Variants in MUC17 observed in about 807,000 individuals in gnomAD.
The protein encoded by MUC17 is mucin-17.
MUC17 carries 190 observed loss-of-function variants against 170.3 expected under a neutral mutation model. The ratio of observed to expected loss-of-function variants is 1.12; its 90% confidence interval spans 0.99 to 1.26. MUC17 has a LOEUF of 1.26. Among genes scored for constraint, MUC17 ranks in the 50% most tolerant of loss-of-function variants. The probability of loss-of-function intolerance (pLI) is 0.00; values close to 1 mark genes in which losing one functional copy is unlikely to be tolerated. For synonymous variants in MUC17, 2,325 were observed against 2,002.5 expected (o/e 1.16, Z -4.30); for missense variants, 6,415 against 5,530.0 (o/e 1.16, Z -5.08).
chr7:101,035,080 A>G lies in MUC17; in HGVS notation c.3664A>G (p.Thr1222Ala). ...TCCTGGAGAAAGAAGCACTCCATTA[A>G]CAAGTATGCCTGTCAGACACACGCC... ...STPGERSTPL[T>A]SMPVRHTPVA... is the part of the protein sequence containing the mutation. Residue 1222 changes from threonine to alanine, a missense_variant, in exon 3 of 13, where the codon ACA becomes GCA. Transcript: ENST00000306151. 1.2e-6 allele frequency: 2 copies of G among 1,612,596 alleles called. No homozygotes were observed. Among genetic ancestry groups the G allele is most frequent in the Non-Finnish European group, 1.7e-6 (2 of 1,179,204 alleles).
intron 1 of MUC17, among the ~76,000 whole-genome samples, chr7:101,022,596 G>A (rs187676049): frequency 1.3e-3 from 198 of 152,256 alleles, no homozygotes; most frequent in Admixed American, 2.2e-3. Context: ...AGGCCAAGTT[G>A]GAAGGATCAC....
In MUC17 at chr7:101,033,605, C is replaced by A. The variant is rs1394497498; in HGVS notation, c.2189C>A (p.Thr730Lys). Residue 730 changes from threonine to lysine, a missense_variant, in exon 3 of 13, where the codon ACA (threonine) becomes AAA (lysine). Physicochemically the swap from Thr to Lys is moderately conservative, Grantham distance 78 (BLOSUM62 -1). Coordinates refer to ENST00000306151, the MANE Select transcript of MUC17 (RefSeq NM_001040105.2). The stretch of plus-strand genomic sequence containing the variant: ...TCAACTGAAGCCAGTTCCTCTCCTA[C>A]AACTGCTGATGGTGCCAGTATGCCA... ...TTSTEASSSP[T>K]TADGASMPTS... 2.5e-6 allele frequency: 4 copies of A among 1,613,880 alleles called. No homozygotes were observed. Among genetic ancestry groups the A allele is most frequent in the Non-Finnish European group, 3.4e-6 (4 of 1,179,908 alleles).
At chr7:101,020,255 C>G in intron 1 of MUC17, 38 bp downstream of exon 1, 1 of 1,547,258 alleles carries the variant, frequency 6.5e-7, no homozygotes, top group Non-Finnish European at 8.8e-7. Context: ...AAGAGGCCCC[C>G]ATCCCAGGGG....
In MUC17 at chr7:101,026,741, C is replaced by T. The variant is rs115162024; in HGVS notation, c.83-4379C>T. On this transcript the variant is annotated intron_variant, in intron 1 of 12. Transcript: ENST00000306151. ...CTGGGACTAGAGGTAAGCACCACCA[C>T]GCCCGATTAATTGTTTTTTAGTAGA... is the stretch of plus-strand genomic sequence containing the variant. 4.8e-3 allele frequency among the ~76,000 whole-genome samples: 723 copies of T among 152,156 alleles called. 6 individuals carry two copies. Among genetic ancestry groups the T allele is most frequent in the African/African-American group, 0.016 (665 of 41,478 alleles).
chr7:101,021,064 A>G (rs938642441), intron 1 of MUC17, among the ~76,000 whole-genome samples: 19 of 152,166 alleles, frequency 1.2e-4, no homozygotes, highest in African/African-American at 4.6e-4. Context: ...GTTGTAATGA[A>G]AACACTCCTT....
At chr7:101,046,422 T>G (rs1794841942) in intron 3 of MUC17, among the ~76,000 whole-genome samples, 1 of 152,236 alleles carries the variant, frequency 6.6e-6, no homozygotes, top group African/African-American at 2.4e-5. Flanking sequence ...TAGAGTTGGC[T>G]ATCACTACTT....
rs1329194495 is a variant in MUC17 at position 101,033,243 on chromosome 7, A to T, written c.1827A>T (p.Ser609=). 5 of 1,613,764 alleles carry T rather than the reference A, an allele frequency of 3.1e-6. No homozygotes were observed. In the African/African-American group the frequency reaches 6.7e-5, roughly 22 times the overall value. Residue 609 remains serine, a synonymous_variant, in exon 3 of 13, where the codon TCA becomes TCT. Transcript: ENST00000306151. The part of the protein sequence containing the change: ...TFVTTSSEAS[S]SSTTAEGTSM... ...TGACCACTTCTAGTGAAGCTAGTTC[A>T]TCTTCTACAACTGCTGAAGGTACCA...
At chr7:101,029,805 G>A (rs1322139266) in intron 1 of MUC17, among the ~76,000 whole-genome samples, 1 of 151,976 alleles carries the variant, frequency 6.6e-6, no homozygotes, top group East Asian at 1.9e-4. Context: ...CACCATGTTG[G>A]CCAGGCTGGT....
chr7:101,037,759 G>C lies in MUC17; in HGVS notation c.6343G>C (p.Ala2115Pro), dbSNP rs1293317458. Residue 2115 changes from alanine (A) to proline (P), a missense_variant, in exon 3 of 13, where the codon GCC (alanine) becomes CCC (proline). By Grantham distance (27) the Ala-to-Pro change is conservative. Coordinates refer to ENST00000306151, the MANE Select transcript of MUC17 (RefSeq NM_001040105.2). ...TSIPLSTTPV[A>P]SPEASTLSTT... ...TATACCTCTCAGCACCACGCCGGTGGCCAGTCCTGAGGCTAGCACCCTTTC... is the reference window on the plus strand; with the variant it reads ...TATACCTCTCAGCACCACGCCGGTGCCCAGTCCTGAGGCTAGCACCCTTTC... The C allele has an allele frequency of 6.2e-7, 1 of 1,613,674 alleles. No individual in the cohort carries two copies.
rs1046703150 is a variant in MUC17, at chr7:101,042,779, C to G, written c.11363C>G (p.Ala3788Gly). Residue 3788 changes from alanine to glycine, a missense_variant, in exon 3 of 13, where the codon GCC becomes GGC. Physicochemically the swap from Ala to Gly is moderately conservative, Grantham distance 60. Coordinates refer to ENST00000306151, the MANE Select transcript of MUC17 (RefSeq NM_001040105.2). ...TACACCAGCATGTCTATGACCACTG[C>G]CTCTGAAGGCAGTTCATCTCCTACA... ...SVYTSMSMTT[A>G]SEGSSSPTTL... 3 of 1,614,050 alleles carry G rather than the reference C, an allele frequency of 1.9e-6. No homozygotes were observed. In the African/African-American group the frequency reaches 4.0e-5, roughly 22 times the overall value.
intron 3 of MUC17, among the ~76,000 whole-genome samples, chr7:101,046,185 A>G (rs993110629): frequency 7.2e-5 from 11 of 152,166 alleles, no homozygotes; most frequent in Admixed American, 4.6e-4. Context: ...CCATAAATAG[A>G]GGCTGCATGC....
Position 101,033,379 on chromosome 7 carries a change from G to A in MUC17, c.1963G>A (p.Asp655Asn). The change falls in exon 3 of 13, where the codon GAC becomes AAC. Residue 655 changes from aspartate (D) to asparagine (N), a missense_variant. Transcript: ENST00000306151. ...EASTLSTTPV[D>N]SNTPVTTSTE... ...TAGCACCCTTTCAACAACTCCTGTT[G>A]ACTCCAACACTCCTGTGACCACTTC... The A allele has an allele frequency of 1.9e-6, 3 of 1,613,912 alleles. No individual in the cohort carries two copies. Among genetic ancestry groups the A allele is most frequent in the Non-Finnish European group, 2.5e-6 (3 of 1,179,930 alleles).
In MUC17 at chr7:101,039,309, A is replaced by G. The variant is rs541443913; in HGVS notation, c.7893A>G (p.Val2631=). ...TGCCAATCTCAACTCCTAGTGAAGT[A>G]AGTACTTCATTAACAAGTATACTTG... is the stretch of plus-strand genomic sequence containing the variant. ...TSMPISTPSE[V]STSLTSILVS... is the part of the protein sequence containing the mutation. The change falls in exon 3 of 13, where the codon GTA becomes GTG. Residue 2631 remains valine (V), a synonymous_variant. Coordinates refer to ENST00000306151, the MANE Select transcript of MUC17 (RefSeq NM_001040105.2). 5 of 1,613,222 alleles carry G rather than the reference A, an allele frequency of 3.1e-6. No individual in the cohort carries two copies. Among genetic ancestry groups the G allele is most frequent in the Non-Finnish European group, 4.2e-6 (5 of 1,179,624 alleles).
intron 3 of MUC17, among the ~76,000 whole-genome samples, chr7:101,045,622 T>A (rs1056861004): frequency 6.6e-6 from 1 of 152,104 alleles, no homozygotes; most frequent in Non-Finnish European, 1.5e-5. Context: ...TGAACTCCTG[T>A]CCTCAGGTGA....
In MUC17 at chr7:101,032,428, A is replaced by C; in HGVS notation, c.1012A>C (p.Ser338Arg). Residue 338 changes from serine (S) to arginine (R), a missense_variant, in exon 3 of 13, where the codon AGT (serine) becomes CGT (arginine). By Grantham distance (110) the Ser-to-Arg change is moderately radical (BLOSUM62 -1). Transcript: ENST00000306151. Reference sequence around the variant, plus strand: ...TACTGAAGGAAGCACTCCATTAACAAGTACGCCTGCCAGCACCATGCCGGT... The same window carrying C: ...TACTGAAGGAAGCACTCCATTAACACGTACGCCTGCCAGCACCATGCCGGT... ...TYTEGSTPLTSTPASTMPVAT... is the reference protein window; with the variant it reads ...TYTEGSTPLTRTPASTMPVAT... 6.2e-7 allele frequency: 1 copy of C among 1,613,806 alleles called. No individual in the cohort carries two copies. The highest frequency in any genetic ancestry group is 8.5e-7 in the Non-Finnish European group (1 of 1,179,796).
intron 12 of MUC17, among the ~76,000 whole-genome samples, chr7:101,057,412 G>A (rs1419179588): frequency 6.6e-6 from 1 of 152,164 alleles, no homozygotes. Flanking sequence ...GGCACAATTG[G>A]TTTGTGCTAG....
rs184157688 is a variant in MUC17, at chr7:101,029,750, C to T, written c.83-1370C>T. Among the ~76,000 whole-genome samples, 716 of 152,018 alleles carry T rather than the reference C, an allele frequency of 4.7e-3. 1 individual carries two copies. Among genetic ancestry groups the T allele is most frequent in the Non-Finnish European group, 7.6e-3 (519 of 67,976 alleles). The stretch of plus-strand genomic sequence containing the variant: ...AGTAGCTGGGATTATAGGTGCACGC[C>T]GCCGCACCCGGCTAATTTTTGTATT... On this transcript the variant is annotated intron_variant, in intron 1 of 12. Coordinates refer to ENST00000306151, the MANE Select transcript of MUC17 (RefSeq NM_001040105.2).
Position 101,040,118 on chromosome 7 carries a change from C to T in MUC17, c.8702C>T (p.Thr2901Ile), listed in dbSNP as rs748512358. The T allele has an allele frequency of 1.2e-6, 2 of 1,612,668 alleles. No individual in the cohort carries two copies. Among genetic ancestry groups the T allele is most frequent in the Non-Finnish European group, 1.7e-6 (2 of 1,179,446 alleles). Residue 2901 changes from threonine (T) to isoleucine (I), a missense_variant, in exon 3 of 13, where the codon ACC (threonine) becomes ATC (isoleucine). By Grantham distance (89) the Thr-to-Ile change is moderately conservative. Transcript: ENST00000306151. ...TTPVDTSIPVTTSTEGSSSPT... is the reference protein window; with the variant it reads ...TTPVDTSIPVITSTEGSSSPT... ...CCTGTTGATACCAGCATACCTGTCA[C>T]CACTTCTACTGAAGGCAGTTCTTCT...
chr7:101,022,473 TGA>T (rs1177771562), intron 1 of MUC17, among the ~76,000 whole-genome samples: 1 of 152,142 alleles, frequency 6.6e-6, no homozygotes. Flanking sequence ...AGTACCCTCC[TGA>T]GAGATTCTAA....
Sources: gnomAD v4.1 joint callset for allele counts (sites outside exome capture counted in the v4.1 genomes callset) on GRCh38, gnomAD v4.1.1 for gene constraint, MANE v1.5 for transcripts, NCBI Gene and HGNC (gene_info 2026-07-23, HGNC 2026-07-21) for gene names.